Variants in MRPL1 observed in about 807,000 individuals in gnomAD.
The protein encoded by MRPL1 is large ribosomal subunit protein uL1m.
In MRPL1, 28 loss-of-function variants were observed where a neutral mutation model predicts 38.0. The observed-to-expected ratio is 0.74, with a 90% confidence interval of 0.55 to 1.01. The LOEUF is 1.01. Ranked by LOEUF, MRPL1 falls within the 50% of genes least tolerant of loss-of-function variation. The pLI is 0.00. For missense variants in MRPL1, 358 were observed against 389.8 expected (o/e 0.92, Z 0.69); for synonymous variants, 123 against 126.7 (o/e 0.97, Z 0.20).
chr4:77,952,625 A>G lies in MRPL1; in HGVS notation c.*18A>G. The G allele has an allele frequency of 6.7e-7, 1 of 1,496,994 alleles. No homozygotes were observed. The highest frequency in any genetic ancestry group is 9.3e-7 in the Non-Finnish European group (1 of 1,078,086). The allele number at this position is 1,496,994 out of a possible 1,614,324, so 92.7% of individuals were successfully genotyped here. On this transcript the variant is annotated 3_prime_UTR_variant, in exon 9 of 9. Transcript: ENST00000315567. ...ATGCCTAAATGTGGTGAATTGTGAA[A>G]TTACTTTCAGTGGTTTAAGAAGCAA...
At chr4:77,888,038 G>GT (rs1427422661) in intron 5 of MRPL1, among the ~76,000 whole-genome samples, 1 of 151,712 alleles carries the variant, frequency 6.6e-6, no homozygotes, top group African/African-American at 2.4e-5. Context: ...TCAAATATTT[G>GT]TTTTTTTTCT....
chr4:77,939,736 A>T (rs899414081), intron 7 of MRPL1, among the ~76,000 whole-genome samples: 1 of 152,120 alleles, frequency 6.6e-6, no homozygotes, highest in East Asian at 1.9e-4. Flanking sequence ...AGAGATGAGG[A>T]TCCAGTTTTA....
At chr4:77,887,432 T>G in intron 5 of MRPL1, 141 bp downstream of exon 5, 1 of 700,084 alleles carries the variant, frequency 1.4e-6, no homozygotes, top group Non-Finnish European at 2.4e-6. Context: ...GGAAAAAAAT[T>G]TCCAACTTTC....
rs756173130 is a variant in MRPL1, at chr4:77,862,919, C to T, written c.31+40C>T. ...TGTCTTGCAGGGGAAATGGCTCTGG[C>T]ACCGAGTCTCTGGTTGCAGCAGAGT... On this transcript the variant is annotated intron_variant, in intron 1 of 8. Transcript: ENST00000315567. The T allele has an allele frequency of 1.9e-6, 3 of 1,613,438 alleles. No homozygotes were observed. The South Asian group carries it at 3.3e-5, about 18-fold the overall frequency.
At chr4:77,891,985 T>G (rs982554866) in intron 5 of MRPL1, among the ~76,000 whole-genome samples, 1 of 152,208 alleles carries the variant, frequency 6.6e-6, no homozygotes, top group Non-Finnish European at 1.5e-5. Context: ...TAGAAGGTAT[T>G]CAGGTTATGA....
intron 1 of MRPL1, among the ~76,000 whole-genome samples, chr4:77,864,277 TG>T (rs1344472905): frequency 6.6e-6 from 1 of 152,152 alleles, no homozygotes. Context: ...CTCTGTTAAT[TG>T]TCTTCCTATT....
intron 6 of MRPL1, among the ~76,000 whole-genome samples, chr4:77,897,108 C>T (rs1392409079): frequency 1.3e-5 from 2 of 151,896 alleles, no homozygotes; most frequent in African/African-American, 4.8e-5. Flanking sequence ...CCTCTGTCGC[C>T]CAGGCTGGAG....
chr4:77,949,007 G>T (rs1737343831), intron 7 of MRPL1, among the ~76,000 whole-genome samples: 1 of 152,166 alleles, frequency 6.6e-6, no homozygotes, highest in Non-Finnish European at 1.5e-5. Flanking sequence ...CTGACCTCAG[G>T]TGATTCGCCT....
At chr4:77,883,584 A>G in intron 3 of MRPL1, 84 bp downstream of exon 3, 1 of 1,338,424 alleles carries the variant, frequency 7.5e-7, no homozygotes. Flanking sequence ...TATTGTTATT[A>G]TTATTTTTGA....
chr4:77,878,617 T>C (rs368994070), intron 2 of MRPL1, among the ~76,000 whole-genome samples: 2 of 152,162 alleles, frequency 1.3e-5, no homozygotes, highest in South Asian at 2.1e-4. Context: ...CAGTGGCTCA[T>C]GTCTGTAATC....
intron 6 of MRPL1, among the ~76,000 whole-genome samples, chr4:77,906,792 C>G (rs1736169706): frequency 6.6e-6 from 1 of 152,150 alleles, no homozygotes; most frequent in South Asian, 2.1e-4. Context: ...AACCAGGTAT[C>G]TGTTTTTTGT....
intron 5 of MRPL1, among the ~76,000 whole-genome samples, chr4:77,890,554 G>C (rs893230478): frequency 4.6e-5 from 7 of 152,178 alleles, no homozygotes; most frequent in Non-Finnish European, 1.0e-4. Flanking sequence ...AAAACTGGAA[G>C]CATTCCCTTT....
intron 6 of MRPL1, among the ~76,000 whole-genome samples, chr4:77,907,370 C>G (rs1027408117): frequency 6.6e-6 from 1 of 152,046 alleles, no homozygotes; most frequent in Non-Finnish European, 1.5e-5. Flanking sequence ...TTTCTCCTTA[C>G]TATATTTAGT....
chr4:77,907,043 T>C (rs911808856), intron 6 of MRPL1: 11 of 985,428 alleles, frequency 1.1e-5, no homozygotes, highest in Non-Finnish European at 1.1e-5. Context: ...TAATGTATGC[T>C]GAGGGTATGC....
rs201193404 is a variant in MRPL1, at chr4:77,926,626, T to C, written c.777+17254T>C. The stretch of plus-strand genomic sequence containing the variant: ...TTTCTTTTTTACTTTTTTTTTTTTT[T>C]GAGACAGAGTCTCACTCTGTTGCTC... On this transcript the variant is annotated intron_variant, in intron 7 of 8. Coordinates refer to ENST00000315567, the MANE Select transcript of MRPL1 (RefSeq NM_020236.4). Among the ~76,000 whole-genome samples, 703 of 148,932 alleles carry C rather than the reference T, an allele frequency of 4.7e-3. 8 individuals are homozygous for C. The highest frequency in any genetic ancestry group is 0.016 in the African/African-American group (628 of 40,136).
At chr4:77,932,470 T>C (rs934086146) in intron 7 of MRPL1, among the ~76,000 whole-genome samples, 4 of 152,170 alleles carry the variant, frequency 2.6e-5, no homozygotes, top group African/African-American at 9.7e-5. Flanking sequence ...AATCTCCATA[T>C]GTTCTGGATT....
At chr4:77,869,257 G>A (rs1289730226) in intron 1 of MRPL1, among the ~76,000 whole-genome samples, 1 of 152,190 alleles carries the variant, frequency 6.6e-6, no homozygotes, top group Non-Finnish European at 1.5e-5. Flanking sequence ...TTGCCACGGG[G>A]TGGGAGAGAT....
At chr4:77,898,336 A>G (rs1735963218) in intron 6 of MRPL1, among the ~76,000 whole-genome samples, 1 of 151,988 alleles carries the variant, frequency 6.6e-6, no homozygotes, top group Admixed American at 6.6e-5. Context: ...GTCCATTGCT[A>G]CATTCCCATT....
At chr4:77,937,466 G>T (rs1737014209) in intron 7 of MRPL1, among the ~76,000 whole-genome samples, 1 of 152,222 alleles carries the variant, frequency 6.6e-6, no homozygotes, top group Non-Finnish European at 1.5e-5. Flanking sequence ...GTAGATGCCT[G>T]AAGAGGAGAT....
Sources: gnomAD v4.1 joint callset for allele counts (sites outside exome capture counted in the v4.1 genomes callset) on GRCh38, gnomAD v4.1.1 for gene constraint, MANE v1.5 for transcripts, NCBI Gene and HGNC (gene_info 2026-07-23, HGNC 2026-07-21) for gene names.